Variants in TMTC2 observed in about 807,000 individuals in gnomAD.
TMTC2 encodes the protein protein O-mannosyl-transferase TMTC2.
In TMTC2, 43 loss-of-function variants were observed where a neutral mutation model predicts 82.4. The ratio of observed to expected loss-of-function variants is 0.52; its 90% CI spans 0.41 to 0.67. TMTC2 has a LOEUF of 0.67. Ranked by LOEUF, TMTC2 falls within the 30% of genes least tolerant of loss-of-function variation. TMTC2 has a pLI of 0.00. For synonymous variants in TMTC2, 408 were observed against 381.9 expected (o/e 1.07, Z -0.80); for missense variants, 919 against 1,012.4 (o/e 0.91, Z 1.25).
intron 5 of TMTC2, 136 bp downstream of exon 5, chr12:82,965,245 C>T: frequency 1.5e-6 from 1 of 676,984 alleles, no homozygotes; most frequent in East Asian, 2.7e-5. Flanking sequence ...GAACCTCTAA[C>T]AATTATATCT....
At chr12:82,911,232 C>A (rs1413002155) in intron 3 of TMTC2, among the ~76,000 whole-genome samples, 2 of 152,014 alleles carry the variant, frequency 1.3e-5, no homozygotes, top group Middle Eastern at 3.2e-3. Flanking sequence ...CCAGGGTGGT[C>A]TTGGAAAATG....
chr12:82,692,832 G>A (rs1872635715), intron 1 of TMTC2, among the ~76,000 whole-genome samples: 1 of 152,126 alleles, frequency 6.6e-6, no homozygotes, highest in Admixed American at 6.5e-5. Flanking sequence ...AAAAAGTGGA[G>A]GGATATTTCA....
At chr12:82,883,266 CT>C (rs1872929082) in intron 2 of TMTC2, among the ~76,000 whole-genome samples, 1 of 151,994 alleles carries the variant, frequency 6.6e-6, no homozygotes, top group South Asian at 2.1e-4. Context: ...TATTTAAATT[CT>C]GTAGAAGACA....
At chr12:83,022,649 G>A (rs367890875) in intron 8 of TMTC2, among the ~76,000 whole-genome samples, 138 of 151,158 alleles carry the variant, frequency 9.1e-4, no homozygotes, top group African/African-American at 3.2e-3. Flanking sequence ...TACTTACTTT[G>A]ACCATTAGCG....
chr12:82,739,461 T>C (rs1198118559), intron 1 of TMTC2, among the ~76,000 whole-genome samples: 1 of 151,986 alleles, frequency 6.6e-6, no homozygotes, highest in East Asian at 1.9e-4. Context: ...TGTACCTAGA[T>C]GGGCCAAAAA....
intron 1 of TMTC2, among the ~76,000 whole-genome samples, chr12:82,715,893 G>A (rs1277679316): frequency 6.6e-6 from 1 of 152,292 alleles, no homozygotes; most frequent in South Asian, 2.1e-4. Context: ...TCAGCCATGA[G>A]TCCTGTAGAA....
intron 11 of TMTC2, among the ~76,000 whole-genome samples, chr12:83,074,819 C>T (rs1883232232): frequency 6.6e-6 from 1 of 152,170 alleles, no homozygotes. Context: ...AGGTTTGGTT[C>T]TTCCCCCGCC....
At chr12:82,981,180 C>G (rs1369591243) in intron 7 of TMTC2, among the ~76,000 whole-genome samples, 2 of 151,802 alleles carry the variant, frequency 1.3e-5, no homozygotes, top group Non-Finnish European at 3.0e-5. Flanking sequence ...GTCTTCTTTT[C>G]TTAACAGTGG....
chr12:83,099,133 T>C (rs368327343), intron 11 of TMTC2, among the ~76,000 whole-genome samples: 2 of 152,330 alleles, frequency 1.3e-5, no homozygotes, highest in African/African-American at 4.8e-5. Context: ...AAAGATTCAA[T>C]ATTTTTCAGA....
intron 11 of TMTC2, among the ~76,000 whole-genome samples, chr12:83,108,264 G>C (rs1256724999): frequency 2.0e-5 from 3 of 151,982 alleles, no homozygotes; most frequent in Non-Finnish European, 4.4e-5. Flanking sequence ...TAATTTACTT[G>C]ATTTATATAT....
intron 2 of TMTC2, among the ~76,000 whole-genome samples, chr12:82,880,071 G>A (rs573045409): frequency 6.6e-6 from 1 of 152,158 alleles, no homozygotes; most frequent in Non-Finnish European, 1.5e-5. Context: ...TGGATGACCT[G>A]CATTTGTTTA....
chr12:82,896,471 A>G lies in TMTC2; in HGVS notation c.1308A>G (p.Thr436=). The G allele has an allele frequency of 6.2e-7, 1 of 1,614,184 alleles. No homozygotes were observed. Among genetic ancestry groups the G allele is most frequent in the Non-Finnish European group, 8.5e-7 (1 of 1,180,034 alleles). Residue 436 remains threonine, a synonymous_variant, in exon 3 of 12, where the codon ACA becomes ACG. Coordinates refer to ENST00000321196, the MANE Select transcript of TMTC2 (RefSeq NM_152588.3). The stretch of plus-strand genomic sequence containing the variant: ...GTATGGGCTTCTGCCTACTGATTAC[A>G]GTGGGTGCTAGAGCCCTTTATGTCA... The part of the protein sequence containing the change: ...IPSMGFCLLI[T]VGARALYVKV...
rs150070163 is a variant in TMTC2 at position 82,741,663 on chromosome 12, T to C, written c.83+53994T>C. ...CTGACCTTCTTTACCTGCTAGATAG[T>C]AGTGAAGGAAACCAATGTGTAATCA... On this transcript the variant is annotated intron_variant, in intron 1 of 11. Transcript: ENST00000321196. Among the ~76,000 whole-genome samples the C allele has an allele frequency of 2.4e-3, 373 of 152,278 alleles. 1 individual carries two copies. The highest frequency in any genetic ancestry group is 8.5e-3 in the African/African-American group (353 of 41,558).
chr12:82,894,965 A>ATTTT (rs538079811), intron 2 of TMTC2, among the ~76,000 whole-genome samples: 5 of 122,420 alleles, frequency 4.1e-5, no homozygotes, highest in Non-Finnish European at 6.7e-5. Context: ...ATGCCTGGCA[A>ATTTT]TTTTTTTTTT....
intron 7 of TMTC2, among the ~76,000 whole-genome samples, chr12:82,970,735 A>G (rs559102283): frequency 6.6e-6 from 1 of 152,322 alleles, no homozygotes; most frequent in African/African-American, 2.4e-5. Context: ...TTTTGTCATC[A>G]TTATGGCCTT....
chr12:83,132,067 T>C, intron 11 of TMTC2, 143 bp from the exon 12 acceptor site: 2 of 909,160 alleles, frequency 2.2e-6, no homozygotes, highest in African/African-American at 1.7e-5. Context: ...TCTTTATCTG[T>C]TTGTATAAAT....
intron 1 of TMTC2, among the ~76,000 whole-genome samples, chr12:82,809,297 A>G (rs1242025999): frequency 6.6e-6 from 1 of 152,002 alleles, no homozygotes; most frequent in East Asian, 1.9e-4. Flanking sequence ...AAATCTACAG[A>G]TCTTGCATTG....
At chr12:82,866,007 A>T (rs1285186240) in intron 2 of TMTC2, among the ~76,000 whole-genome samples, 1 of 152,182 alleles carries the variant, frequency 6.6e-6, no homozygotes, top group Non-Finnish European at 1.5e-5. Context: ...GACACATTTA[A>T]AGCAGTGTGT....
At position 83,050,893 on chromosome 12, in the gene TMTC2, A is replaced by T; in HGVS notation, c.2153-11A>T. 2 of 1,598,240 alleles carry T rather than the reference A, an allele frequency of 1.3e-6. No individual in the cohort carries two copies. Among genetic ancestry groups the T allele is most frequent in the Admixed American group, 3.5e-5 (2 of 57,908 alleles). On this transcript the variant is annotated splice_polypyrimidine_tract_variant and intron_variant, in intron 9 of 11. Transcript: ENST00000321196. The stretch of plus-strand genomic sequence containing the variant: ...TCTGAGTTGAAGCTCACTGGTTTTT[A>T]TACTTTTCAGGTCAGTTTCTTCTGG...
Sources: allele counts gnomAD v4.1 joint callset (sites outside exome capture counted in the v4.1 genomes callset), GRCh38; gene constraint gnomAD v4.1.1; transcripts MANE v1.5; gene names NCBI Gene and HGNC (gene_info 2026-07-23, HGNC 2026-07-21).